The following KIAA1210 variants were observed in gnomAD, a reference collection of about 807,000 sequenced individuals.
The protein encoded by KIAA1210 is acrosomal protein KIAA1210.
Under a neutral mutation model 78.9 loss-of-function variants are expected in KIAA1210, and 48 were observed. The observed-to-expected ratio is 0.61, with a 90% CI of 0.48 to 0.77. The LOEUF (loss-of-function observed/expected upper bound fraction) is 0.77. Ranked by LOEUF, KIAA1210 falls within the 30% of genes least tolerant of loss-of-function variation. The pLI is 0.00. For missense variants in KIAA1210, 1,108 were observed against 1,100.0 expected (o/e 1.01, Z -0.10); for synonymous variants, 406 against 404.5 (o/e 1.00, Z -0.04).
At chrX:119,142,118 G>A (rs758293588) in intron 2 of KIAA1210, among the ~76,000 whole-genome samples, 1 of 112,168 alleles carries the variant, frequency 8.9e-6, no homozygotes, top group African/African-American at 3.2e-5. Flanking sequence ...CTGAACTGCT[G>A]AAAACCTAAA....
intron 1 of KIAA1210, among the ~76,000 whole-genome samples, chrX:119,126,368 T>A (rs1039185414): frequency 4.4e-5 from 5 of 112,535 alleles, no homozygotes; most frequent in African/African-American, 1.6e-4. Flanking sequence ...CAGACCCACT[T>A]ACTGAGATGC....
At chrX:119,132,293 T>A (rs1214553375), upstream of KIAA1210, among the ~76,000 whole-genome samples, 9 of 111,625 alleles carry the variant, frequency 8.1e-5, no homozygotes, top group Non-Finnish European at 1.9e-5. Flanking sequence ...AAGACAGTAT[T>A]TTTTTTGTCA....
At chrX:119,114,456 G>T (rs1018779834) in intron 3 of KIAA1210, among the ~76,000 whole-genome samples, 1 of 112,191 alleles carries the variant, frequency 8.9e-6, no homozygotes, top group Admixed American at 9.4e-5. Context: ...ACACTTAATG[G>T]ATATATATAT....
intron 5 of KIAA1210, among the ~76,000 whole-genome samples, chrX:119,108,010 T>C (rs1317897839): frequency 8.9e-6 from 1 of 111,887 alleles, no homozygotes; most frequent in Non-Finnish European, 1.9e-5. Flanking sequence ...CAGGCAGGTA[T>C]AAAGAAGTTG....
At chrX:119,143,055 A>G (rs1929087388) in intron 2 of KIAA1210, among the ~76,000 whole-genome samples, 1 of 111,993 alleles carries the variant, frequency 8.9e-6, no homozygotes, top group Non-Finnish European at 1.9e-5. Flanking sequence ...AACACACAGT[A>G]AGCACTCAAT....
chrX:119,081,637 C>A, intron 11 of KIAA1210, 133 bp from the exon 12 acceptor site: 1 of 605,110 alleles, frequency 1.7e-6, no homozygotes, highest in Non-Finnish European at 2.5e-6. Context: ...GCTTTCTAAA[C>A]TCTTCTCCCT....
At chrX:119,131,629 G>A (rs1200577433), upstream of KIAA1210, among the ~76,000 whole-genome samples, 1 of 112,704 alleles carries the variant, frequency 8.9e-6, no homozygotes. Context: ...GATAATAGAA[G>A]CCAGAGAGAT....
At chrX:119,105,201 A>G in intron 5 of KIAA1210, 54 bp from the exon 6 acceptor site, 1 of 1,077,415 alleles carries the variant, frequency 9.3e-7, no homozygotes, top group Non-Finnish European at 1.2e-6. Context: ...CTCTTCCTCA[A>G]ATTAGTGGTT....
At chrX:119,150,207 C>A (rs1491000560) in intron 1 of KIAA1210, 67 of 981,744 alleles carry the variant, frequency 6.8e-5, no homozygotes, top group Non-Finnish European at 9.2e-5. Context: ...TAAACATCAC[C>A]CTTGTGCAGC....
intron 6 of KIAA1210, among the ~76,000 whole-genome samples, chrX:119,103,479 A>G (rs1483694251): frequency 8.9e-6 from 1 of 111,903 alleles, no homozygotes; most frequent in African/African-American, 3.2e-5. Context: ...TGGAACCCTC[A>G]TACATTGCTA....
chrX:119,096,637 C>A lies in KIAA1210; in HGVS notation c.703G>T (p.Ala235Ser), dbSNP rs1368246879. 2 of 1,209,737 alleles carry A rather than the reference C, an allele frequency of 1.7e-6. No homozygotes were observed. Among genetic ancestry groups the A allele is most frequent in the African/African-American group, 1.7e-5 (1 of 57,646 alleles). The stretch of plus-strand genomic sequence containing the variant: ...GTGCTACTGGTAGAGGCAAGTGTGG[C>A]AAATGCAGTCAAGGACTGTGAGCAA... ...PDCSQSLTAF[A>S]TLASTSSTQL... The change falls in exon 7 of 12, where the codon GCC becomes TCC. Residue 235 changes from alanine to serine, a missense_variant. Physicochemically the swap from Ala to Ser is moderately conservative, Grantham distance 99. Around this residue, in one of 5 missense-constraint regions of KIAA1210, gnomAD observed 672 missense variants for 607.1 expected, o/e 1.11. Coordinates refer to ENST00000691062, the MANE Select transcript of KIAA1210 (RefSeq NM_001394962.1).
chrX:119,125,735 A>ATTTTTTTTT (rs1163974116), intron 1 of KIAA1210, among the ~76,000 whole-genome samples: 2 of 15,792 alleles, frequency 1.3e-4, no homozygotes, highest in African/African-American at 5.2e-4. Flanking sequence ...ATATATATAT[A>ATTTTTTTTT]TTTTTTTTTT....
chrX:119,140,493 C>T (rs1170132405), intron 2 of KIAA1210, among the ~76,000 whole-genome samples: 3 of 98,831 alleles, frequency 3.0e-5, no homozygotes, highest in African/African-American at 1.1e-4. Flanking sequence ...TGCGCCACTG[C>T]ACTCCAGCCT....
intron 6 of KIAA1210, 25 bp from the exon 7 acceptor site, chrX:119,096,716 C>T (rs780160470): frequency 4.5e-6 from 5 of 1,101,863 alleles, no homozygotes; most frequent in Admixed American, 2.5e-5. Flanking sequence ...AGAAAATAGA[C>T]GAGTCAACCC....
At chrX:119,082,677 C>T (rs1044570580) in intron 11 of KIAA1210, among the ~76,000 whole-genome samples, 2 of 111,526 alleles carry the variant, frequency 1.8e-5, no homozygotes, top group African/African-American at 6.5e-5. Context: ...GAGAAAATAC[C>T]GCTTTGCTAT....
intron 5 of KIAA1210, among the ~76,000 whole-genome samples, chrX:119,107,718 G>A (rs1415713435): frequency 8.9e-6 from 1 of 111,838 alleles, no homozygotes; most frequent in African/African-American, 3.2e-5. Context: ...TTGCCAAATG[G>A]AAAATAATCA....
At position 119,121,667 on chromosome X, in the gene KIAA1210, C is replaced by T. The variant is rs142805485; in HGVS notation, c.61+1915G>A. Among the ~76,000 whole-genome samples, 568 of 112,825 alleles carry T rather than the reference C, an allele frequency of 5.0e-3. 6 individuals are homozygous for T. Among genetic ancestry groups the T allele is most frequent in the African/African-American group, 0.017 (539 of 31,128 alleles). On this transcript the variant is annotated intron_variant, in intron 2 of 11. Transcript: ENST00000691062. ...TTATCCACAATGCATACAGGCAGCCCATCTGAATTGAAATGAATGAGCTTT... is the reference window on the plus strand; with the variant it reads ...TTATCCACAATGCATACAGGCAGCCTATCTGAATTGAAATGAATGAGCTTT...
chrX:119,087,112 T>G lies in KIAA1210; in HGVS notation c.3590A>C (p.Gln1197Pro), dbSNP rs369421952. The change falls in exon 9 of 12, where the codon CAA becomes CCA. Residue 1197 changes from glutamine to proline, a missense_variant. Transcript: ENST00000691062. ...KHLPSSSPFQ[Q>P]QVHSSSVNAA... Reference sequence around the variant, plus strand: ...ATTCACAGAACTTGAATGAACCTGTTGCTGGAAAGGACTACTTGAAGGCAG... The same window carrying G: ...ATTCACAGAACTTGAATGAACCTGTGGCTGGAAAGGACTACTTGAAGGCAG... 8.3e-7 allele frequency: 1 copy of G among 1,211,825 alleles called. No individual in the cohort carries two copies. Among genetic ancestry groups the G allele is most frequent in the South Asian group, 1.8e-5 (1 of 56,984 alleles).
chrX:119,087,394 T>C lies in KIAA1210; in HGVS notation c.3308A>G (p.Glu1103Gly). Reference sequence around the variant, plus strand: ...ACTGCTGCACTTCCCAGGAGCTCTCTCTGAATAAGAGAAAACTTTCTGTGG... The same window carrying C: ...ACTGCTGCACTTCCCAGGAGCTCTCCCTGAATAAGAGAAAACTTTCTGTGG... ...EDPQKVFSYS[E>G]RAPGKCSSFK... The change falls in exon 9 of 12, where the codon GAG becomes GGG. Residue 1103 changes from glutamate to glycine, a missense_variant. Coordinates refer to ENST00000691062, the MANE Select transcript of KIAA1210 (RefSeq NM_001394962.1). 1 of 1,211,541 alleles carries C rather than the reference T, an allele frequency of 8.3e-7. No homozygotes were observed. Among genetic ancestry groups the C allele is most frequent in the Admixed American group, 2.2e-5 (1 of 46,035 alleles).
Sources: allele counts gnomAD v4.1 joint callset (sites outside exome capture counted in the v4.1 genomes callset), GRCh38; gene constraint gnomAD v4.1.1; regional missense constraint gnomAD v4.1.1; transcripts MANE v1.5; gene names NCBI Gene and HGNC (gene_info 2026-07-23, HGNC 2026-07-21).